The following DCLK2 variants were observed in gnomAD, a reference collection of about 807,000 sequenced individuals.
DCLK2 encodes doublecortin like kinase 2.
In DCLK2, 31 loss-of-function variants were observed where a neutral mutation model predicts 78.4. The observed-to-expected ratio is 0.40, with a 90% CI of 0.30 to 0.53. DCLK2 has a LOEUF of 0.53. Ranked by LOEUF, DCLK2 falls within the 20% of genes least tolerant of loss-of-function variation. The probability of loss-of-function intolerance (pLI) is 0.61; values close to 1 mark genes in which losing one functional copy is unlikely to be tolerated. For synonymous variants in DCLK2, 407 were observed against 374.9 expected (o/e 1.09, Z -0.99); for missense variants, 872 against 973.7 (o/e 0.90, Z 1.39).
intron 6 of DCLK2, 72 bp from the exon 7 acceptor site, chr4:150,221,604 AT>A: frequency 1.1e-6 from 1 of 942,812 alleles, no homozygotes; most frequent in Non-Finnish European, 1.6e-6. Context: ...GCAGTTTACT[AT>A]TTTACAAATA....
At chr4:150,122,669 G>A (rs999086295) in intron 2 of DCLK2, among the ~76,000 whole-genome samples, 1 of 152,170 alleles carries the variant, frequency 6.6e-6, no homozygotes, top group Non-Finnish European at 1.5e-5. Flanking sequence ...GGGTTGATAG[G>A]TGCAGCAAAC....
chr4:150,132,143 A>T (rs1733357142), intron 2 of DCLK2, among the ~76,000 whole-genome samples: 1 of 152,188 alleles, frequency 6.6e-6, no homozygotes, highest in African/African-American at 2.4e-5. Flanking sequence ...AGGGCATGCA[A>T]GTTGGCTGCT....
rs552132062 is a variant in DCLK2 at position 150,176,216 on chromosome 4, A to T, written c.757-16922A>T. On this transcript the variant is annotated intron_variant, in intron 2 of 15. Coordinates refer to ENST00000296550, the MANE Select transcript of DCLK2 (RefSeq NM_001040260.4). ...TAGTAAAAGCTGTCCTTCCGCCATG[A>T]ATCTAATACTATGAGCCCTGAGCCT... Among the ~76,000 whole-genome samples the T allele has an allele frequency of 3.3e-5, 5 of 152,232 alleles. No individual in the cohort carries two copies. In the East Asian group the frequency reaches 7.7e-4, roughly 24 times the overall value.
intron 1 of DCLK2, among the ~76,000 whole-genome samples, chr4:150,087,532 A>G (rs541049097): frequency 3.9e-5 from 6 of 152,370 alleles, no homozygotes; most frequent in Admixed American, 2.6e-4. Context: ...TAACATGCAT[A>G]CACAGGAGCC....
chr4:150,129,747 A>G (rs1184617421), intron 2 of DCLK2, among the ~76,000 whole-genome samples: 1 of 151,464 alleles, frequency 6.6e-6, no homozygotes, highest in Non-Finnish European at 1.5e-5. Flanking sequence ...AATAATTACT[A>G]TAATTTAATT....
intron 5 of DCLK2, among the ~76,000 whole-genome samples, chr4:150,217,079 T>A (rs1329345685): frequency 6.6e-6 from 1 of 152,158 alleles, no homozygotes; most frequent in Non-Finnish European, 1.5e-5. Flanking sequence ...AATTGTTAGT[T>A]TGACAATAGA....
At chr4:150,139,338 C>T (rs1437357275) in intron 2 of DCLK2, among the ~76,000 whole-genome samples, 2 of 152,186 alleles carry the variant, frequency 1.3e-5, no homozygotes, top group African/African-American at 4.8e-5. Flanking sequence ...ATGATCACGT[C>T]TGAAGTGATG....
intron 9 of DCLK2, 37 bp downstream of exon 9, chr4:150,232,493 C>G (rs759968808): frequency 6.2e-7 from 1 of 1,606,396 alleles, no homozygotes; most frequent in East Asian, 2.2e-5. Context: ...TGCCTAGTCC[C>G]ACAATTTACA....
intron 1 of DCLK2, among the ~76,000 whole-genome samples, chr4:150,082,020 GA>G (rs1477314218): frequency 2.7e-5 from 4 of 146,922 alleles, no homozygotes; most frequent in East Asian, 4.0e-4. Flanking sequence ...AAAAAGAAAA[GA>G]AAAAAAGAAA....
chr4:150,107,378 G>GGTTT lies in DCLK2; in HGVS notation c.756+4566_756+4567insGTTT, dbSNP rs535824608. On this transcript the variant is annotated intron_variant, in intron 2 of 15. Coordinates refer to ENST00000296550, the MANE Select transcript of DCLK2 (RefSeq NM_001040260.4). Reference sequence around the variant, plus strand: ...GGTTTGTAGGGTTTTTTTGGTTATTGTTTTTTTTTTTTTTTTTGGAGACAG... The same window carrying GGTTT: ...GGTTTGTAGGGTTTTTTTGGTTATTGGTTTTTTTTTTTTTTTTTTTTGGAGACAG... 2.5e-3 allele frequency among the ~76,000 whole-genome samples: 309 copies of GGTTT among 125,146 alleles called. 11 individuals carry two copies. The highest frequency in any genetic ancestry group is 3.1e-3 in the Non-Finnish European group (189 of 61,054). 82.1% of individuals were successfully genotyped at this position (125,146 alleles called of 152,430 possible).
chr4:150,210,137 C>T (rs1580722103), intron 5 of DCLK2, among the ~76,000 whole-genome samples: 1 of 152,098 alleles, frequency 6.6e-6, no homozygotes, highest in Non-Finnish European at 1.5e-5. Context: ...TTGGCATGGC[C>T]ACTCTTAAGC....
chr4:150,219,453 G>T (rs973526792), intron 5 of DCLK2, among the ~76,000 whole-genome samples: 1 of 151,838 alleles, frequency 6.6e-6, no homozygotes, highest in African/African-American at 2.4e-5. Flanking sequence ...TAGAGACGGG[G>T]TCTCACCATG....
At chr4:150,244,573 C>T (rs17026770) in intron 12 of DCLK2, among the ~76,000 whole-genome samples, 3,352 of 152,294 alleles carry the variant, frequency 0.022, 40 homozygotes, top group African/African-American at 0.029. Flanking sequence ...TTTAGACTTA[C>T]GGCACCTTGG....
At chr4:150,176,597 G>C (rs1737108816) in intron 2 of DCLK2, among the ~76,000 whole-genome samples, 1 of 152,218 alleles carries the variant, frequency 6.6e-6, no homozygotes, top group Non-Finnish European at 1.5e-5. Flanking sequence ...TGGTAAGGCA[G>C]GGTATTCATT....
chr4:150,197,153 CAAAA>C (rs56913717), intron 3 of DCLK2, among the ~76,000 whole-genome samples: 8 of 126,612 alleles, frequency 6.3e-5, no homozygotes, highest in Non-Finnish European at 6.9e-5. Flanking sequence ...GACTCCGTCT[CAAAA>C]AAAAAAAAAA....
At chr4:150,156,741 TTTTA>T (rs150434713) in intron 2 of DCLK2, among the ~76,000 whole-genome samples, 28,971 of 139,160 alleles carry the variant, frequency 0.21, 3,206 homozygotes, top group South Asian at 0.27. Flanking sequence ...GGAGTAACTA[TTTTA>T]TTTATTTATT....
In DCLK2 at chr4:150,232,404, T is replaced by C. The variant is rs780166882; in HGVS notation, c.1367T>C (p.Val456Ala). Residue 456 changes from valine (V) to alanine (A), a missense_variant, in exon 9 of 16, where the codon GTC becomes GCC. Val to Ala is a moderately conservative substitution (Grantham distance 64). Around this residue, in one of 3 missense-constraint regions of DCLK2, gnomAD observed 567 missense variants for 593.4 expected, o/e 0.96. Coordinates refer to ENST00000296550, the MANE Select transcript of DCLK2 (RefSeq NM_001040260.4). Reference sequence around the variant, plus strand: ...AAACATCCCAATATCATTATGCTGGTCGAGGAGATGGAAACAGCAACTGAG... The same window carrying C: ...AAACATCCCAATATCATTATGCTGGCCGAGGAGATGGAAACAGCAACTGAG... ...RVKHPNIIMLVEEMETATELF... is the reference protein window; with the variant it reads ...RVKHPNIIMLAEEMETATELF... 6.2e-7 allele frequency: 1 copy of C among 1,614,104 alleles called. No homozygotes were observed. Among genetic ancestry groups the C allele is most frequent in the Admixed American group, 1.7e-5 (1 of 60,012 alleles).
chr4:150,113,633 TTCTC>T lies in DCLK2; in HGVS notation c.756+10825_756+10828del, dbSNP rs779875894. ...ATTTCAAATTGAGTGTATTTGAATCTTCTCTCTTTTATTGGTTAATCTAGCTAAT... is the reference window on the plus strand; with the variant it reads ...ATTTCAAATTGAGTGTATTTGAATCTTCTTTTATTGGTTAATCTAGCTAAT... On this transcript the variant is annotated intron_variant, in intron 2 of 15. Coordinates refer to ENST00000296550, the MANE Select transcript of DCLK2 (RefSeq NM_001040260.4). 2.6e-5 allele frequency among the ~76,000 whole-genome samples: 4 copies of T among 152,284 alleles called. No individual in the cohort carries two copies. The South Asian group carries it at 8.3e-4, about 32-fold the overall frequency.
chr4:150,194,022 G>GACACACACAC (rs58179559), intron 3 of DCLK2, among the ~76,000 whole-genome samples: 2,136 of 133,812 alleles, frequency 0.016, 36 homozygotes, highest in East Asian at 0.058. Flanking sequence ...AAAGTGCTGG[G>GACACACACAC]ACACACACAC....
Sources: gnomAD v4.1 joint callset for allele counts (sites outside exome capture counted in the v4.1 genomes callset) on GRCh38, gnomAD v4.1.1 for gene constraint, gnomAD v4.1.1 regional missense constraint, MANE v1.5 for transcripts, NCBI Gene and HGNC (gene_info 2026-07-23, HGNC 2026-07-21) for gene names.